The following GUCY1A2 variants were observed in gnomAD, a reference collection of about 807,000 sequenced individuals.
GUCY1A2 encodes guanylate cyclase soluble subunit alpha-2.
Under a neutral mutation model 63.5 loss-of-function variants are expected in GUCY1A2, and 27 were observed. The ratio of observed to expected loss-of-function variants is 0.43; its 90% CI spans 0.31 to 0.59. The LOEUF (loss-of-function observed/expected upper bound fraction) is 0.59. Ranked by LOEUF, GUCY1A2 falls within the 20% of genes least tolerant of loss-of-function variation. GUCY1A2 has a pLI of 0.11. For synonymous variants in GUCY1A2, 364 were observed against 343.5 expected (o/e 1.06, Z -0.66); for missense variants, 768 against 913.3 (o/e 0.84, Z 2.05).
chr11:106,780,750 T>C (rs1864443906), intron 5 of GUCY1A2, among the ~76,000 whole-genome samples: 1 of 152,130 alleles, frequency 6.6e-6, no homozygotes, highest in African/African-American at 2.4e-5. Flanking sequence ...TCAAAATGTC[T>C]GGAAAGTTTA....
At chr11:106,767,127 CAA>C (rs1864178763) in intron 6 of GUCY1A2, among the ~76,000 whole-genome samples, 1 of 151,940 alleles carries the variant, frequency 6.6e-6, no homozygotes, top group Non-Finnish European at 1.5e-5. Context: ...ACACTGGAGA[CAA>C]GAGGCAGGAA....
chr11:107,001,784 A>G (rs181249723), intron 1 of GUCY1A2, among the ~76,000 whole-genome samples: 2,053 of 152,148 alleles, frequency 0.013, 29 homozygotes, highest in South Asian at 0.045. Flanking sequence ...TTTGGGAGGC[A>G]AAGGCAGGCG....
In GUCY1A2 at chr11:106,920,977, A is replaced by G. The variant is rs1315967694; in HGVS notation, c.1206+18483T>C. On this transcript the variant is annotated intron_variant, in intron 4 of 7. Coordinates refer to ENST00000526355, the MANE Select transcript of GUCY1A2 (RefSeq NM_000855.3). ...TTGTCTCATTCAGAATCCTATGATG[A>G]ACCTCATTTTGATTTTTCTTTTTAT... 2.6e-5 allele frequency among the ~76,000 whole-genome samples: 4 copies of G among 152,188 alleles called. No individual in the cohort carries two copies. In the East Asian group the frequency reaches 7.7e-4, roughly 29 times the overall value.
At position 106,687,719 on chromosome 11, in the gene GUCY1A2, G is replaced by A. The variant is rs768283586; in HGVS notation, c.2029C>T (p.Arg677Trp). Residue 677 changes from arginine to tryptophan, a missense_variant, in exon 8 of 8, where the codon CGG becomes TGG. Arg to Trp is a moderately radical substitution (Grantham distance 101). Transcript: ENST00000526355. ...TTGTCTGGAAGCTCTTCACGAGACC[G>A]CGGAATGAATGTGAAACTTTCTTCT... ...KREESFTFIP[R>W]SREELPDNFP... 1.9e-6 allele frequency: 3 copies of A among 1,612,270 alleles called. No individual in the cohort carries two copies. The highest frequency in any genetic ancestry group is 2.2e-5 in the East Asian group (1 of 44,880).
intron 3 of GUCY1A2, among the ~76,000 whole-genome samples, chr11:106,968,897 A>G (rs1861160334): frequency 7.0e-6 from 1 of 143,222 alleles, no homozygotes; most frequent in Admixed American, 7.1e-5. Context: ...TCTCAAACTT[A>G]TTAGATTTGA....
At chr11:106,841,380 A>G (rs2200654) in intron 4 of GUCY1A2, among the ~76,000 whole-genome samples, 54,889 of 151,642 alleles carry the variant, frequency 0.36, 10,203 homozygotes, top group East Asian at 0.46. Context: ...CTTGAAATGT[A>G]TAATTAAAGT....
At chr11:106,806,299 T>C (rs759561419) in intron 5 of GUCY1A2, among the ~76,000 whole-genome samples, 15 of 152,252 alleles carry the variant, frequency 9.9e-5, no homozygotes, top group South Asian at 2.1e-4. Flanking sequence ...TTATGGGGTA[T>C]AGAACTGGAG....
At chr11:106,961,867 A>G (rs904890092) in intron 3 of GUCY1A2, among the ~76,000 whole-genome samples, 2 of 152,172 alleles carry the variant, frequency 1.3e-5, no homozygotes, top group Non-Finnish European at 2.9e-5. Context: ...CCTTGTGACT[A>G]TGGTAACCTT....
intron 1 of GUCY1A2, among the ~76,000 whole-genome samples, chr11:106,989,139 C>T (rs2120148981): frequency 6.6e-6 from 1 of 152,306 alleles, no homozygotes; most frequent in African/African-American, 2.4e-5. Context: ...TAACTGGCTC[C>T]TACTTAAGAG....
rs1169297399 is a variant in GUCY1A2, at chr11:106,681,036, A to G, written c.*6513T>C. ...TTTAACTACTAAAGAACTGATTATC[A>G]TTGACTATGCCACATTCTATTAAAA... is the stretch of plus-strand genomic sequence containing the variant. On this transcript the variant is annotated 3_prime_UTR_variant, in exon 8 of 8. Coordinates refer to ENST00000526355, the MANE Select transcript of GUCY1A2 (RefSeq NM_000855.3). 4.8e-6 allele frequency: 1 copy of G among 207,034 alleles called. No homozygotes were observed. The highest frequency in any genetic ancestry group is 7.3e-5 in the East Asian group (1 of 13,656). The allele number at this position is 207,034 out of a possible 1,614,324, so 12.8% of individuals were successfully genotyped here. A position where few individuals can be genotyped will look rare whatever the true frequency, so the allele number is the denominator to read the frequency against.
At chr11:106,696,237 C>T (rs1862716885) in intron 7 of GUCY1A2, among the ~76,000 whole-genome samples, 1 of 152,194 alleles carries the variant, frequency 6.6e-6, no homozygotes. Flanking sequence ...CTAAAAACTC[C>T]ACTTCTAGTA....
chr11:106,907,409 T>TTTA (rs1860226601), intron 4 of GUCY1A2, among the ~76,000 whole-genome samples: 1 of 146,068 alleles, frequency 6.8e-6, no homozygotes, highest in East Asian at 2.0e-4. Context: ...TTTTTTTAAT[T>TTTA]TTATTATTAT....
rs5021251 is a variant in GUCY1A2, at chr11:106,705,257, T to G, written c.1991+3255A>C. ...ATTAAAATGATGAGCTAGAGCTGTC[T>G]ATGATTTAGACAGTCATCAGTAAGG... On this transcript the variant is annotated intron_variant, in intron 7 of 7. Transcript: ENST00000526355. 3.6e-3 allele frequency among the ~76,000 whole-genome samples: 544 copies of G among 152,286 alleles called. 3 individuals carry two copies. Among genetic ancestry groups the G allele is most frequent in the African/African-American group, 0.011 (471 of 41,562 alleles).
chr11:106,929,102 A>G (rs1565334806), intron 4 of GUCY1A2, among the ~76,000 whole-genome samples: 1 of 152,230 alleles, frequency 6.6e-6, no homozygotes, highest in East Asian at 1.9e-4. Flanking sequence ...ACAACTAAAT[A>G]AACTGAAATA....
chr11:106,737,316 A>G (rs1863607710), intron 6 of GUCY1A2, among the ~76,000 whole-genome samples: 2 of 152,108 alleles, frequency 1.3e-5, no homozygotes, highest in South Asian at 4.1e-4. Context: ...CCACTTTAGA[A>G]TGCTTATTCA....
At position 106,686,874 on chromosome 11, in the gene GUCY1A2, T is replaced by G. The variant is rs1862534795; in HGVS notation, c.*675A>C. ...AATCCTTGGTTATATGTATTCTCAGTCGAAGCACTGATCTCTCTAAATAAG... is the reference window on the plus strand; with the variant it reads ...AATCCTTGGTTATATGTATTCTCAGGCGAAGCACTGATCTCTCTAAATAAG... On this transcript the variant is annotated 3_prime_UTR_variant, in exon 8 of 8. Transcript: ENST00000526355. 1 of 196,116 alleles carries G rather than the reference T, an allele frequency of 5.1e-6. No individual in the cohort carries two copies. The highest frequency in any genetic ancestry group is 2.3e-5 in the African/African-American group (1 of 43,294). The allele number at this position is 196,116 out of a possible 1,614,324, so 12.1% of individuals were successfully genotyped here.
intron 3 of GUCY1A2, among the ~76,000 whole-genome samples, chr11:106,954,499 A>G (rs1860955131): frequency 6.6e-6 from 1 of 152,182 alleles, no homozygotes; most frequent in African/African-American, 2.4e-5. Context: ...TCTAGGGTAG[A>G]GAGTTCCGTA....
At chr11:107,013,718 G>A (rs1861779744) in intron 1 of GUCY1A2, among the ~76,000 whole-genome samples, 1 of 151,962 alleles carries the variant, frequency 6.6e-6, no homozygotes, top group African/African-American at 2.4e-5. Context: ...CTGCTAATTG[G>A]AGGGTTATTT....
At chr11:106,797,610 AACTC>A (rs1460589905) in intron 5 of GUCY1A2, among the ~76,000 whole-genome samples, 1 of 152,182 alleles carries the variant, frequency 6.6e-6, no homozygotes, top group Non-Finnish European at 1.5e-5. Flanking sequence ...AGGATTAAGA[AACTC>A]ACTCAAAACC....
Sources: gnomAD v4.1 joint callset for allele counts (sites outside exome capture counted in the v4.1 genomes callset) on GRCh38, gnomAD v4.1.1 for gene constraint, MANE v1.5 for transcripts, NCBI Gene and HGNC (gene_info 2026-07-23, HGNC 2026-07-21) for gene names.